Variants in IFT52 observed in about 807,000 individuals in gnomAD.
IFT52 encodes intraflagellar transport protein 52 homolog.
In IFT52, 44 loss-of-function variants were observed where a neutral mutation model predicts 54.4. The observed-to-expected ratio is 0.81, with a 90% confidence interval of 0.63 to 1.04. The LOEUF (loss-of-function observed/expected upper bound fraction) is 1.04, where lower values mean the gene tolerates loss of function less well. IFT52 is among the 50% of genes least tolerant of loss of function. IFT52 has a pLI of 0.00. For missense variants in IFT52, 452 were observed against 523.6 expected, an observed-to-expected ratio of 0.86 and a Z score of 1.33; for synonymous variants, 181 against 185.3, an observed-to-expected ratio of 0.98 and a Z score of 0.19.
intron 2 of IFT52, among the ~76,000 whole-genome samples, chr20:43,595,793 C>T (rs934751039): frequency 2.7e-5 from 4 of 150,876 alleles, no homozygotes; most frequent in Non-Finnish European, 4.4e-5. Context: ...GGCTGAGGCA[C>T]AAGAATCCCT....
chr20:43,619,955 C>T (rs1984159279), intron 8 of IFT52, among the ~76,000 whole-genome samples: 1 of 109,198 alleles, frequency 9.2e-6, no homozygotes, highest in Non-Finnish European at 1.7e-5. Flanking sequence ...CTCTGTCTGT[C>T]ACCCAGGCTG....
chr20:43,604,301 G>T (rs753237950), intron 5 of IFT52, 43 bp downstream of exon 5: 2 of 1,387,160 alleles, frequency 1.4e-6, no homozygotes, highest in East Asian at 2.3e-5. Context: ...AGGCATCGTC[G>T]CTCACACCTG....
intron 9 of IFT52, 104 bp from the exon 10 acceptor site, chr20:43,623,787 C>A: frequency 1.5e-6 from 2 of 1,293,230 alleles, no homozygotes; most frequent in Non-Finnish European, 2.1e-6. Context: ...AATTTCTTGG[C>A]AAGAGAATAT....
At chr20:43,607,283 C>T (rs1430577221) in intron 6 of IFT52, among the ~76,000 whole-genome samples, 14 of 149,406 alleles carry the variant, frequency 9.4e-5, no homozygotes, top group East Asian at 2.0e-4. Context: ...ACCTCCCTCC[C>T]GGACGGGGCG....
At position 43,642,570 on chromosome 20, in the gene IFT52, A is replaced by G; in HGVS notation, c.1212A>G (p.Lys404=). The G allele has an allele frequency of 6.2e-7, 1 of 1,614,190 alleles. No individual in the cohort carries two copies. Among genetic ancestry groups the G allele is most frequent in the Non-Finnish European group, 8.5e-7 (1 of 1,180,020 alleles). The change falls in exon 13 of 14, where the codon AAA becomes AAG. Residue 404 remains lysine, a synonymous_variant. Transcript: ENST00000373030. ...SKLPKDQQDA[K]HILEHVFFQV... is the part of the protein sequence containing the mutation. ...TACCAAAGGACCAACAGGATGCCAA[A>G]CATATCCTTGAGCACGTCTTCTTCC...
intron 6 of IFT52, among the ~76,000 whole-genome samples, chr20:43,610,289 CG>C (rs1383668175): frequency 2.7e-5 from 1 of 36,540 alleles, no homozygotes; most frequent in African/African-American, 1.7e-4. Flanking sequence ...GAGACACCAA[CG>C]CAAAAAAAAA....
At chr20:43,592,766 C>T (rs989112874) in intron 1 of IFT52, among the ~76,000 whole-genome samples, 3 of 152,054 alleles carry the variant, frequency 2.0e-5, no homozygotes, top group Admixed American at 6.6e-5. Flanking sequence ...AAAAAAACTA[C>T]CAGAAGCCAA....
At chr20:43,600,134 A>T (rs751027054) in intron 3 of IFT52, among the ~76,000 whole-genome samples, 1 of 152,152 alleles carries the variant, frequency 6.6e-6, no homozygotes, top group Non-Finnish European at 1.5e-5. Flanking sequence ...ACACTTCTTT[A>T]TGTTTGACAT....
At chr20:43,596,741 T>A (rs940063106) in intron 3 of IFT52, among the ~76,000 whole-genome samples, 3 of 140,602 alleles carry the variant, frequency 2.1e-5, no homozygotes, top group Non-Finnish European at 4.6e-5. Context: ...CACTTCTTTT[T>A]TTTTTTTTTT....
chr20:43,639,116 G>C (rs1185114609), intron 12 of IFT52, among the ~76,000 whole-genome samples: 1 of 151,134 alleles, frequency 6.6e-6, no homozygotes, highest in African/African-American at 2.4e-5. Flanking sequence ...AGACAAAAAA[G>C]ATATAGATAT....
chr20:43,613,734 G>T (rs772617116), intron 6 of IFT52, 116 bp from the exon 7 acceptor site: 4 of 1,006,386 alleles, frequency 4.0e-6, no homozygotes, highest in Non-Finnish European at 6.0e-6. Context: ...TGCAGCCTGG[G>T]TGACTGAGTG....
intron 12 of IFT52, 130 bp downstream of exon 12, chr20:43,637,383 C>G: frequency 2.1e-6 from 1 of 474,406 alleles, no homozygotes; most frequent in South Asian, 2.2e-5. Flanking sequence ...CTGTCTCAGC[C>G]TCCCGAGTAG....
In IFT52 at chr20:43,624,208, G is replaced by A. The variant is rs918356919; in HGVS notation, c.923+163G>A. The A allele has an allele frequency of 2.5e-5, 19 of 772,342 alleles. No homozygotes were observed. In the Admixed American group the frequency reaches 4.6e-4, roughly 19 times the overall value. The allele number at this position is 772,342 out of a possible 1,614,324, so 47.8% of individuals were successfully genotyped here. A position where few individuals can be genotyped will look rare whatever the true frequency, so the allele number is the denominator to read the frequency against. On this transcript the variant is annotated intron_variant, in intron 10 of 13. Coordinates refer to ENST00000373030, the MANE Select transcript of IFT52 (RefSeq NM_016004.5). ...ACAAAGAAACTGGGCTGGGCATGAGGGGTTGATGTAGAGGAACTGCCAGAG... is the reference window on the plus strand; with the variant it reads ...ACAAAGAAACTGGGCTGGGCATGAGAGGTTGATGTAGAGGAACTGCCAGAG...
In IFT52 at chr20:43,645,623, T is replaced by C. The variant is rs1473922528; in HGVS notation, c.1267-1313T>C. 7.1e-5 allele frequency among the ~76,000 whole-genome samples: 4 copies of C among 56,382 alleles called. 2 individuals carry two copies. In the East Asian group the frequency reaches 2.4e-3, roughly 34 times the overall value. The allele number at this position is 56,382 out of a possible 152,430, so 37.0% of individuals were successfully genotyped here. A position where few individuals can be genotyped will look rare whatever the true frequency, so the allele number is the denominator to read the frequency against. The stretch of plus-strand genomic sequence containing the variant: ...GGCTCACGCTTGCAATCCCAGCACT[T>C]TGGGGGGCCAAGGTAGGTGAATCAT... On this transcript the variant is annotated intron_variant, in intron 13 of 13. Transcript: ENST00000373030.
At chr20:43,603,220 G>A (rs1297659711) in intron 3 of IFT52, among the ~76,000 whole-genome samples, 3 of 150,276 alleles carry the variant, frequency 2.0e-5, no homozygotes, top group East Asian at 1.9e-4. Flanking sequence ...GAAAACATGC[G>A]TTTCTCTCTA....
At chr20:43,635,298 C>CT (rs200732157) in intron 10 of IFT52, among the ~76,000 whole-genome samples, 58 of 151,318 alleles carry the variant, frequency 3.8e-4, no homozygotes, top group Non-Finnish European at 6.2e-4. Context: ...TGATCTCATT[C>CT]TTTTTTTTTG....
At chr20:43,638,529 G>A (rs539634941) in intron 12 of IFT52, among the ~76,000 whole-genome samples, 75 of 152,210 alleles carry the variant, frequency 4.9e-4, no homozygotes, top group Middle Eastern at 3.4e-3. Context: ...CAATAAACTC[G>A]GGAGGCTGAG....
intron 11 of IFT52, 147 bp from the exon 12 acceptor site, chr20:43,636,998 A>C (rs1005105785): frequency 8.8e-6 from 5 of 565,416 alleles, no homozygotes; most frequent in Non-Finnish European, 1.6e-5. Flanking sequence ...GTGGTTCCCA[A>C]CTGAGGAATT....
chr20:43,643,061 G>A (rs1458293634), intron 13 of IFT52, among the ~76,000 whole-genome samples: 1 of 152,082 alleles, frequency 6.6e-6, no homozygotes, highest in Non-Finnish European at 1.5e-5. Context: ...CAGCCACTCA[G>A]GAGGCTGAGG....
Sources: gnomAD v4.1 joint callset for allele counts (sites outside exome capture counted in the v4.1 genomes callset) on GRCh38, gnomAD v4.1.1 for gene constraint, MANE v1.5 for transcripts, NCBI Gene and HGNC (gene_info 2026-07-23, HGNC 2026-07-21) for gene names.